DACH2: variants seen among roughly 807,000 people sequenced by gnomAD.
DACH2 encodes dachshund family transcription factor 2.
DACH2 carries 17 observed loss-of-function variants against 35.8 expected under a neutral mutation model. That is an observed-to-expected ratio of 0.48 (90% CI 0.33 to 0.71). The LOEUF is 0.71. Among genes scored for constraint, DACH2 ranks in the 30% least tolerant of loss-of-function variants. DACH2 has a pLI of 0.02. For missense variants in DACH2, 469 were observed against 472.7 expected (o/e 0.99, Z 0.07); for synonymous variants, 195 against 177.3 (o/e 1.10, Z -0.79).
intron 1 of DACH2, among the ~76,000 whole-genome samples, chrX:86,241,729 G>A (rs1225552193): frequency 8.9e-6 from 1 of 112,478 alleles, no homozygotes; most frequent in Non-Finnish European, 1.9e-5. Context: ...TAAGGCCTAG[G>A]AGGATAAAAT....
At chrX:86,544,047 C>A (rs1040294863) in intron 3 of DACH2, among the ~76,000 whole-genome samples, 43 of 111,246 alleles carry the variant, frequency 3.9e-4, no homozygotes, top group African/African-American at 1.4e-3. Flanking sequence ...AGGAAATACT[C>A]TCAGAGCTCA....
intron 3 of DACH2, among the ~76,000 whole-genome samples, chrX:86,563,588 G>T (rs2039254415): frequency 9.0e-6 from 1 of 110,695 alleles, no homozygotes; most frequent in Non-Finnish European, 1.9e-5. Flanking sequence ...TTGACCAAGG[G>T]ACCCAACATT....
intron 1 of DACH2, among the ~76,000 whole-genome samples, chrX:86,317,012 G>C (rs781358414): frequency 9.2e-6 from 1 of 108,428 alleles, no homozygotes; most frequent in Non-Finnish European, 1.9e-5. Context: ...CAGCTACTTG[G>C]GAGGCTGAGG....
chrX:86,297,049 A>G (rs201971715), intron 1 of DACH2, among the ~76,000 whole-genome samples: 39,997 of 92,580 alleles, frequency 0.43, 6,239 homozygotes, highest in South Asian at 0.57. Context: ...TTGTGTATAT[A>G]TATATATATA....
At chrX:86,302,103 G>A (rs1359155772) in intron 1 of DACH2, among the ~76,000 whole-genome samples, 1 of 111,397 alleles carries the variant, frequency 9.0e-6, no homozygotes. Flanking sequence ...AAAGGAAAAG[G>A]ACAGGGTTTT....
rs1602970401 is a variant in DACH2 at position 86,804,132 on chromosome X, C to A, written c.1241-8724C>A. ...CATTGCTATAACAAAACACCAGAAACTGAGTAATTTATAAAGCAAAGAGGT... is the reference window on the plus strand; with the variant it reads ...CATTGCTATAACAAAACACCAGAAAATGAGTAATTTATAAAGCAAAGAGGT... On this transcript the variant is annotated intron_variant, in intron 7 of 11. Transcript: ENST00000373125. Among the ~76,000 whole-genome samples the A allele has an allele frequency of 2.7e-5, 3 of 111,844 alleles. No individual in the cohort carries two copies. The Admixed American group carries it at 2.9e-4, about 11-fold the overall frequency.
At chrX:86,749,885 C>T (rs1602894113) in intron 7 of DACH2, among the ~76,000 whole-genome samples, 1 of 111,245 alleles carries the variant, frequency 9.0e-6, no homozygotes, top group Non-Finnish European at 1.9e-5. Context: ...TTGCTCACTG[C>T]TGTGTATAGA....
At chrX:86,708,045 T>C (rs1465163136) in intron 5 of DACH2, among the ~76,000 whole-genome samples, 2 of 108,517 alleles carry the variant, frequency 1.8e-5, no homozygotes, top group African/African-American at 6.7e-5. Context: ...AATAATATGA[T>C]ACTAAAAGTA....
intron 3 of DACH2, among the ~76,000 whole-genome samples, chrX:86,550,387 A>G (rs1266986717): frequency 3.6e-5 from 4 of 111,240 alleles, no homozygotes; most frequent in East Asian, 2.8e-4. Flanking sequence ...GGTGGTAGAA[A>G]TGTTTGAGTA....
intron 2 of DACH2, among the ~76,000 whole-genome samples, chrX:86,508,430 C>T (rs1380382474): frequency 1.8e-5 from 2 of 109,278 alleles, no homozygotes; most frequent in East Asian, 5.8e-4. Context: ...CGTGGTGGGG[C>T]GTGCCTATAG....
intron 1 of DACH2, among the ~76,000 whole-genome samples, chrX:86,275,893 G>A (rs1034594771): frequency 5.4e-5 from 6 of 112,074 alleles, no homozygotes; most frequent in Non-Finnish European, 7.5e-5. Flanking sequence ...TCTCTCATTC[G>A]TTTTTATTGC....
chrX:86,326,023 C>A (rs763884166), intron 1 of DACH2, among the ~76,000 whole-genome samples: 6 of 110,965 alleles, frequency 5.4e-5, no homozygotes, highest in Admixed American at 2.9e-4. Flanking sequence ...AAACATCTAT[C>A]AAGTTTTTGC....
At position 86,261,924 on chromosome X, in the gene DACH2, A is replaced by C. The variant is rs780862669; in HGVS notation, c.488+112816A>C. ...TTTCAACAGTAGATTACCTAGAAAA[A>C]GACAATTTAATGAATGAACAGGTAG... On this transcript the variant is annotated intron_variant, in intron 1 of 11. Coordinates refer to ENST00000373125, the MANE Select transcript of DACH2 (RefSeq NM_053281.3). Among the ~76,000 whole-genome samples, 4 of 111,009 alleles carry C rather than the reference A, an allele frequency of 3.6e-5. No homozygotes were observed. The East Asian group carries it at 1.1e-3, about 31-fold the overall frequency.
intron 2 of DACH2, among the ~76,000 whole-genome samples, chrX:86,432,480 A>G (rs772864204): frequency 8.9e-6 from 1 of 112,083 alleles, no homozygotes; most frequent in Non-Finnish European, 1.9e-5. Context: ...ATAGTCTGTA[A>G]TGCACGTTGA....
intron 1 of DACH2, among the ~76,000 whole-genome samples, chrX:86,317,309 C>CA (rs918572417): frequency 7.3e-5 from 8 of 110,104 alleles, no homozygotes; most frequent in Non-Finnish European, 1.1e-4. Flanking sequence ...TTACTTTCTC[C>CA]AAAAAAACGA....
At chrX:86,663,796 G>A (rs745363828) in intron 4 of DACH2, among the ~76,000 whole-genome samples, 3 of 111,558 alleles carry the variant, frequency 2.7e-5, no homozygotes, top group Admixed American at 9.6e-5. Context: ...ATCAGACCAG[G>A]TCTCTTTTTT....
intron 3 of DACH2, among the ~76,000 whole-genome samples, chrX:86,634,011 T>C (rs1451288437): frequency 3.6e-5 from 4 of 111,857 alleles, no homozygotes; most frequent in Non-Finnish European, 7.5e-5. Flanking sequence ...ACACAGGCTG[T>C]ACAGGAAGCA....
chrX:86,276,318 A>G (rs1312207633), intron 1 of DACH2, among the ~76,000 whole-genome samples: 4 of 112,355 alleles, frequency 3.6e-5, no homozygotes, highest in Non-Finnish European at 7.5e-5. Context: ...CCTGTTTGCC[A>G]CTTGGATGTC....
intron 3 of DACH2, among the ~76,000 whole-genome samples, chrX:86,546,455 C>T (rs1351624546): frequency 1.4e-4 from 10 of 70,732 alleles, no homozygotes; most frequent in African/African-American, 2.9e-4. Flanking sequence ...CTTCCTCTTC[C>T]TCTTCTACCT....
Sources: allele counts gnomAD v4.1 joint callset (sites outside exome capture counted in the v4.1 genomes callset), GRCh38; gene constraint gnomAD v4.1.1; transcripts MANE v1.5; gene names NCBI Gene and HGNC (gene_info 2026-07-23, HGNC 2026-07-21).